The following DEUP1 variants were observed in gnomAD, a reference collection of about 807,000 sequenced individuals.
DEUP1 encodes the protein deuterosome assembly protein 1.
A neutral mutation model predicts 87.4 loss-of-function variants in DEUP1; 82 were observed. The ratio of observed to expected loss-of-function variants is 0.94; its 90% CI spans 0.78 to 1.13. The LOEUF (loss-of-function observed/expected upper bound fraction) is 1.13. Ranked by LOEUF, DEUP1 falls within the 50% of genes most tolerant of loss-of-function variation. The probability of loss-of-function intolerance (pLI) is 0.00; values close to 1 mark genes in which losing one functional copy is unlikely to be tolerated. For missense variants in DEUP1, 663 were observed against 681.5 expected, an observed-to-expected ratio of 0.97 and a Z score of 0.30; for synonymous variants, 214 against 222.7, an observed-to-expected ratio of 0.96 and a Z score of 0.35.
At chr11:93,415,875 A>AATTC (rs201376911) in intron 13 of DEUP1, among the ~76,000 whole-genome samples, 1 of 152,064 alleles carries the variant, frequency 6.6e-6, no homozygotes, top group Admixed American at 6.6e-5. Context: ...ATGACAATAA[A>AATTC]ATTCATTCAT....
intron 13 of DEUP1, among the ~76,000 whole-genome samples, chr11:93,431,711 C>T (rs1448150800): frequency 2.0e-5 from 3 of 152,096 alleles, no homozygotes; most frequent in Non-Finnish European, 2.9e-5. Context: ...ATGATGCTGG[C>T]TTGGTAGCAG....
intron 11 of DEUP1, among the ~76,000 whole-genome samples, chr11:93,400,865 C>T (rs906195167): frequency 6.6e-6 from 1 of 152,050 alleles, no homozygotes; most frequent in Non-Finnish European, 1.5e-5. Flanking sequence ...GAATTGAAAG[C>T]CTTTCCTCCA....
At chr11:93,373,620 T>C (rs905363337) in intron 7 of DEUP1, among the ~76,000 whole-genome samples, 7 of 47,266 alleles carry the variant, frequency 1.5e-4, no homozygotes, top group African/African-American at 3.3e-4. Context: ...TATGTATATA[T>C]ATACGTATAT....
intron 2 of DEUP1, among the ~76,000 whole-genome samples, chr11:93,345,993 T>A (rs1433539227): frequency 6.6e-6 from 1 of 151,954 alleles, no homozygotes; most frequent in Non-Finnish European, 1.5e-5. Flanking sequence ...TTTGGGGTTT[T>A]ACATTTAAGT....
rs905519660 is a variant in DEUP1 at position 93,397,678 on chromosome 11, A to G, written c.1326+1353A>G. Among the ~76,000 whole-genome samples, 12 of 152,196 alleles carry G rather than the reference A, an allele frequency of 7.9e-5. 3 individuals are homozygous for G. Among genetic ancestry groups the G allele is most frequent in the East Asian group, 3.9e-4 (2 of 5,174 alleles). On this transcript the variant is annotated intron_variant, in intron 11 of 13. Coordinates refer to ENST00000298050, the MANE Select transcript of DEUP1 (RefSeq NM_181645.4). Reference sequence around the variant, plus strand: ...GCTAATGATCCACAACCCTATCCCAATCCAAAGCTATCCAGTGCTAACGAA... The same window carrying G: ...GCTAATGATCCACAACCCTATCCCAGTCCAAAGCTATCCAGTGCTAACGAA...
intron 13 of DEUP1, among the ~76,000 whole-genome samples, chr11:93,417,280 C>T (rs1947678052): frequency 6.7e-6 from 1 of 150,168 alleles, no homozygotes; most frequent in Non-Finnish European, 1.5e-5. Flanking sequence ...TCGAGAAAAC[C>T]CCATTGTCTC....
At chr11:93,384,332 C>T (rs1440436469) in intron 7 of DEUP1, among the ~76,000 whole-genome samples, 2 of 152,200 alleles carry the variant, frequency 1.3e-5, no homozygotes, top group Non-Finnish European at 2.9e-5. Flanking sequence ...AAGAGATAGC[C>T]AGTCTCTTAA....
chr11:93,373,794 G>A (rs1015990201), intron 7 of DEUP1, among the ~76,000 whole-genome samples: 5 of 151,658 alleles, frequency 3.3e-5, no homozygotes, highest in Non-Finnish European at 5.9e-5. Context: ...CTTTTCCTCT[G>A]GGTAAATACC....
chr11:93,373,886 T>C (rs1477860182), intron 7 of DEUP1, among the ~76,000 whole-genome samples: 1 of 152,030 alleles, frequency 6.6e-6, no homozygotes, highest in Admixed American at 6.6e-5. Context: ...TTAGTGGTTA[T>C]ACTAGTTTAC....
intron 13 of DEUP1, among the ~76,000 whole-genome samples, chr11:93,416,085 T>C (rs1026092967): frequency 6.6e-6 from 1 of 152,146 alleles, no homozygotes; most frequent in Non-Finnish European, 1.5e-5. Context: ...TATTTTCCTG[T>C]AGGAGCCAAT....
In DEUP1 at chr11:93,419,969, G is replaced by A. The variant is rs190226030; in HGVS notation, c.1638+4855G>A. ...TCCAGGACCAGATGGATTCACAGCC[G>A]AATTCTACCAAAGGTACAAGGAGGA... On this transcript the variant is annotated intron_variant, in intron 13 of 13. Coordinates refer to ENST00000298050, the MANE Select transcript of DEUP1 (RefSeq NM_181645.4). Among the ~76,000 whole-genome samples, 175 of 151,866 alleles carry A rather than the reference G, an allele frequency of 1.2e-3. 2 individuals carry two copies. In the East Asian group the frequency reaches 0.028, roughly 25 times the overall value.
intron 12 of DEUP1, among the ~76,000 whole-genome samples, chr11:93,410,389 G>T (rs948833845): frequency 1.3e-5 from 2 of 152,172 alleles, no homozygotes; most frequent in African/African-American, 2.4e-5. Flanking sequence ...ATGTGTCCAT[G>T]TGAAGATCTG....
intron 7 of DEUP1, chr11:93,383,690 A>G: frequency 1.7e-6 from 1 of 578,494 alleles, no homozygotes; most frequent in African/African-American, 1.9e-5. Flanking sequence ...CAGTATATCT[A>G]TATATTAAGA....
At position 93,371,251 on chromosome 11, in the gene DEUP1, G is replaced by T; in HGVS notation, c.760G>T (p.Glu254Ter). 1 of 1,612,894 alleles carries T rather than the reference G, an allele frequency of 6.2e-7. No individual in the cohort carries two copies. Among genetic ancestry groups the T allele is most frequent in the Non-Finnish European group, 8.5e-7 (1 of 1,179,534 alleles). The change falls in exon 7 of 14, where the codon GAA becomes TAA. Residue 254 changes from glutamate (E) to a stop codon, truncating the protein, a stop_gained. Coordinates refer to ENST00000298050, the MANE Select transcript of DEUP1 (RefSeq NM_181645.4). LOFTEE classifies it high-confidence loss of function. The part of the protein sequence containing the change: ...LQDENQKLLQ[E>*]LKMYQRQCQA... ...AGATGAAAATCAGAAGCTCTTGCAA[G>T]AACTGAAAATGTACCAAAGACAGTG...
chr11:93,359,708 A>G (rs1431401258), intron 4 of DEUP1, among the ~76,000 whole-genome samples: 1 of 152,192 alleles, frequency 6.6e-6, no homozygotes, highest in South Asian at 2.1e-4. Flanking sequence ...CCAAGATAAT[A>G]CACTTTTAGA....
rs200962163 is a variant in DEUP1 at position 93,343,187 on chromosome 11, CGTT to C, written c.29+10902_29+10904del. Reference sequence around the variant, plus strand: ...TCCAAAAGCAGTATATTAATTAAAACGTTGTCTAGATTAGAAAACAGATTTTAT... The same window carrying C: ...TCCAAAAGCAGTATATTAATTAAAACGTCTAGATTAGAAAACAGATTTTAT... On this transcript the variant is annotated intron_variant, in intron 2 of 13. Transcript: ENST00000298050. 6.0e-3 allele frequency among the ~76,000 whole-genome samples: 917 copies of C among 152,324 alleles called. 11 individuals are homozygous for C. Among genetic ancestry groups the C allele is most frequent in the African/African-American group, 0.021 (868 of 41,572 alleles).
At chr11:93,411,604 G>T (rs1316152802) in intron 12 of DEUP1, among the ~76,000 whole-genome samples, 3 of 152,092 alleles carry the variant, frequency 2.0e-5, no homozygotes, top group African/African-American at 7.2e-5. Flanking sequence ...ATTTGGTGTG[G>T]ATGTTTTAAA....
chr11:93,346,415 CAG>C (rs1944351373), intron 2 of DEUP1, among the ~76,000 whole-genome samples: 1 of 152,100 alleles, frequency 6.6e-6, no homozygotes, highest in African/African-American at 2.4e-5. Context: ...TTGGTAAAGA[CAG>C]AGTTTCACCA....
intron 2 of DEUP1, among the ~76,000 whole-genome samples, chr11:93,334,996 AT>A (rs1943681038): frequency 6.6e-6 from 1 of 152,092 alleles, no homozygotes; most frequent in Non-Finnish European, 1.5e-5. Flanking sequence ...GGGTTGAAAA[AT>A]GTGCTTCAGT....
Sources: allele counts gnomAD v4.1 joint callset (sites outside exome capture counted in the v4.1 genomes callset), GRCh38; gene constraint gnomAD v4.1.1; transcripts MANE v1.5; gene names NCBI Gene and HGNC (gene_info 2026-07-23, HGNC 2026-07-21).